The following C4orf17 variants were observed in gnomAD, a reference collection of about 807,000 sequenced individuals.
The protein encoded by C4orf17 is uncharacterized protein C4orf17.
Under a neutral mutation model 32.0 loss-of-function variants are expected in C4orf17, and 25 were observed. That is an observed-to-expected ratio of 0.78 (90% CI 0.57 to 1.09). The LOEUF (loss-of-function observed/expected upper bound fraction) is 1.09, where lower values mean the gene tolerates loss of function less well. Among genes scored for constraint, C4orf17 ranks in the 50% least tolerant of loss-of-function variants. The probability of loss-of-function intolerance (pLI) is 0.00; values close to 1 mark genes in which losing one functional copy is unlikely to be tolerated. For missense variants in C4orf17, 420 were observed against 420.0 expected (o/e 1.00, Z 0.00); for synonymous variants, 149 against 145.8 (o/e 1.02, Z -0.16).
At chr4:99,527,863 C>A (rs868010106) in intron 4 of C4orf17, among the ~76,000 whole-genome samples, 27 of 152,270 alleles carry the variant, frequency 1.8e-4, no homozygotes, top group Middle Eastern at 3.4e-3. Context: ...AGTTTTTAAT[C>A]ATGTATTTTG....
At chr4:99,535,591 T>C (rs1481308872) in intron 5 of C4orf17, among the ~76,000 whole-genome samples, 1 of 152,226 alleles carries the variant, frequency 6.6e-6, no homozygotes, top group African/African-American at 2.4e-5. Context: ...TCAGGTCAGT[T>C]ATGTTCCTCT....
chr4:99,530,325 A>C (rs958356595), intron 5 of C4orf17, among the ~76,000 whole-genome samples: 1 of 152,134 alleles, frequency 6.6e-6, no homozygotes, highest in South Asian at 2.1e-4. Flanking sequence ...TAAAGCATAG[A>C]TTCCTCCAAT....
Position 99,540,451 on chromosome 4 carries a change from A to T in C4orf17, c.876A>T (p.Pro292=), listed in dbSNP as rs780287932. 6.2e-7 allele frequency: 1 copy of T among 1,609,786 alleles called. No homozygotes were observed. The highest frequency in any genetic ancestry group is 1.1e-5 in the South Asian group (1 of 90,900). The stretch of plus-strand genomic sequence containing the variant: ...GATCTGAAGAAAACAAGGAAGTACC[A>T]AAAGGTTAAGTACAGTTTTTGGTAA... ...SQGSEENKEV[P]KEAEHKPPLL... The change falls in exon 8 of 9, where the codon CCA becomes CCT. Residue 292 remains proline, a synonymous_variant. Transcript: ENST00000326581.
rs534441243 is a variant in C4orf17 at position 99,523,975 on chromosome 4, A to C, written c.338-546A>C. 2.6e-3 allele frequency among the ~76,000 whole-genome samples: 356 copies of C among 139,074 alleles called. 1 individual carries two copies. The highest frequency in any genetic ancestry group is 8.9e-3 in the African/African-American group (329 of 36,988). The allele number at this position is 139,074 out of a possible 152,430, so 91.2% of individuals were successfully genotyped here. Reference sequence around the variant, plus strand: ...AAATATGTCTTATACTAAAATATATACTTTTTTTTTTTTTTTTTTTTTGAG... The same window carrying C: ...AAATATGTCTTATACTAAAATATATCCTTTTTTTTTTTTTTTTTTTTTGAG... On this transcript the variant is annotated intron_variant, in intron 3 of 8. Coordinates refer to ENST00000326581, the MANE Select transcript of C4orf17 (RefSeq NM_032149.3).
At chr4:99,536,543 C>A (rs1447613981) in intron 5 of C4orf17, among the ~76,000 whole-genome samples, 1 of 152,178 alleles carries the variant, frequency 6.6e-6, no homozygotes, top group African/African-American at 2.4e-5. Context: ...CGGACTCCTC[C>A]TTGTCCAGAT....
Position 99,539,443 on chromosome 4 carries a change from T to A in C4orf17, c.836+73T>A. 25 of 1,237,840 alleles carry A rather than the reference T, an allele frequency of 2.0e-5. No individual in the cohort carries two copies. The South Asian group carries it at 3.1e-4, about 15-fold the overall frequency. 76.7% of individuals were successfully genotyped at this position (1,237,840 alleles called of 1,614,324 possible). The stretch of plus-strand genomic sequence containing the variant: ...AGACTTTGAATTCTCTTGTTATTTA[T>A]CTTTCAAAATGTTAAACAGGAGGTT... On this transcript the variant is annotated intron_variant, in intron 7 of 8. Transcript: ENST00000326581.
At chr4:99,526,083 G>A (rs776434298) in intron 4 of C4orf17, among the ~76,000 whole-genome samples, 5 of 152,138 alleles carry the variant, frequency 3.3e-5, no homozygotes, top group South Asian at 2.1e-4. Flanking sequence ...GTACCTGATC[G>A]TAGGAGGAAA....
chr4:99,522,011 C>A (rs1050004110), intron 2 of C4orf17, among the ~76,000 whole-genome samples: 1 of 152,170 alleles, frequency 6.6e-6, no homozygotes, highest in African/African-American at 2.4e-5. Context: ...TCTCCTATTT[C>A]CAGCTCCTAC....
chr4:99,522,319 T>C (rs1348078663), intron 2 of C4orf17, among the ~76,000 whole-genome samples, 181 bp from the exon 3 acceptor site: 1 of 151,114 alleles, frequency 6.6e-6, no homozygotes, highest in African/African-American at 2.5e-5. Flanking sequence ...TTTCAAAGAA[T>C]GTCTACCTTG....
chr4:99,532,693 C>T (rs1195691601), intron 5 of C4orf17, among the ~76,000 whole-genome samples: 1 of 152,110 alleles, frequency 6.6e-6, no homozygotes, highest in Non-Finnish European at 1.5e-5. Context: ...CGCTGAGTCT[C>T]AAATTTAAAA....
intron 2 of C4orf17, among the ~76,000 whole-genome samples, chr4:99,514,895 A>G (rs1035908721): frequency 1.3e-5 from 2 of 152,222 alleles, no homozygotes; most frequent in African/African-American, 2.4e-5. Context: ...AATGTGGTAT[A>G]TATACACCAT....
At position 99,539,292 on chromosome 4, in the gene C4orf17, C is replaced by T; in HGVS notation, c.758C>T (p.Pro253Leu). The T allele has an allele frequency of 6.2e-7, 1 of 1,614,092 alleles. No homozygotes were observed. Among genetic ancestry groups the T allele is most frequent in the Non-Finnish European group, 8.5e-7 (1 of 1,179,980 alleles). The stretch of plus-strand genomic sequence containing the variant: ...AAGCCACCCACAGTTAAATCACCAC[C>T]CACAGTTAAATTGCCCCCAAATTTT... The part of the protein sequence containing the change: ...TGKPPTVKSP[P>L]TVKLPPNFTA... The change falls in exon 7 of 9, where the codon CCC becomes CTC. Residue 253 changes from proline (P) to leucine (L), a missense_variant. By Grantham distance (98) the Pro-to-Leu change is moderately conservative (BLOSUM62 -3). Coordinates refer to ENST00000326581, the MANE Select transcript of C4orf17 (RefSeq NM_032149.3).
chr4:99,542,018 G>C lies in C4orf17; in HGVS notation c.989G>C (p.Ser330Thr). 6.2e-7 allele frequency: 1 copy of C among 1,613,994 alleles called. No individual in the cohort carries two copies. The highest frequency in any genetic ancestry group is 8.5e-7 in the Non-Finnish European group (1 of 1,179,898). The change falls in exon 9 of 9, where the codon AGT becomes ACT. Residue 330 changes from serine (S) to threonine (T), a missense_variant. Physicochemically the swap from Ser to Thr is moderately conservative, Grantham distance 58. Transcript: ENST00000326581. ...CCTCCCAGGCCTAACACTCAGGAGA[G>C]TGGATCAGCAAAACCAGTGTCAGCA... ...NSPPRPNTQE[S>T]GSAKPVSARS...
intron 7 of C4orf17, among the ~76,000 whole-genome samples, chr4:99,540,055 G>A (rs1316190408): frequency 6.6e-6 from 1 of 151,754 alleles, no homozygotes; most frequent in Admixed American, 6.6e-5. Flanking sequence ...TAAAGTTAGA[G>A]GAAAAATACA....
intron 3 of C4orf17, 72 bp from the exon 4 acceptor site, chr4:99,524,449 G>T: frequency 4.7e-6 from 4 of 846,612 alleles, no homozygotes; most frequent in South Asian, 1.6e-5. Flanking sequence ...TTCAGCAATT[G>T]ACACATATAT....
intron 2 of C4orf17, among the ~76,000 whole-genome samples, chr4:99,515,262 C>G (rs2718685): frequency 0.41 from 61,683 of 151,932 alleles, 15,386 homozygotes; most frequent in Non-Finnish European, 0.55. Context: ...TTCACTGCAG[C>G]GCTATTCACA....
chr4:99,520,634 G>A (rs1723271289), intron 2 of C4orf17, among the ~76,000 whole-genome samples: 1 of 151,964 alleles, frequency 6.6e-6, no homozygotes, highest in Non-Finnish European at 1.5e-5. Context: ...CCATGCTCAT[G>A]GTAATATATG....
rs895582898 is a variant in C4orf17 at position 99,539,216 on chromosome 4, T to C, written c.682T>C (p.Leu228=). The C allele has an allele frequency of 7.4e-6, 12 of 1,613,948 alleles. No individual in the cohort carries two copies. Among genetic ancestry groups the C allele is most frequent in the African/African-American group, 1.3e-5 (1 of 74,910 alleles). The change falls in exon 7 of 9, where the codon TTA becomes CTA. Residue 228 remains leucine, a synonymous_variant. Coordinates refer to ENST00000326581, the MANE Select transcript of C4orf17 (RefSeq NM_032149.3). ...TTCTGAGCTTGCCGAGATAAACCTG[T>C]TAACTCATCACAGAAGAAACACCTC... ...IHSELAEINL[L]THHRRNTSME...
intron 2 of C4orf17, among the ~76,000 whole-genome samples, chr4:99,520,309 A>T (rs1380293304): frequency 5.3e-5 from 8 of 151,788 alleles, no homozygotes; most frequent in Non-Finnish European, 4.4e-5. Flanking sequence ...GTTAACTAGG[A>T]TGGTCTCGAT....
Sources: allele counts gnomAD v4.1 joint callset (sites outside exome capture counted in the v4.1 genomes callset), GRCh38; gene constraint gnomAD v4.1.1; transcripts MANE v1.5; gene names NCBI Gene and HGNC (gene_info 2026-07-23, HGNC 2026-07-21).